TRIP12: variants seen among roughly 807,000 people sequenced by gnomAD.
TRIP12 encodes the protein thyroid hormone receptor interactor 12.
A neutral mutation model predicts 244.2 loss-of-function variants in TRIP12; 25 were observed. The ratio of observed to expected loss-of-function variants is 0.10; its 90% CI spans 0.07 to 0.14. TRIP12 has a LOEUF of 0.14. TRIP12 is among the 10% of genes least tolerant of loss of function. TRIP12 has a pLI of 1.00. For missense variants in TRIP12, 1,677 were observed against 2,486.4 expected, an observed-to-expected ratio of 0.67 and a Z score of 6.92; for synonymous variants, 905 against 873.1, an observed-to-expected ratio of 1.04 and a Z score of -0.64.
At chr2:229,858,547 A>G (rs1344022348) in intron 4 of TRIP12, among the ~76,000 whole-genome samples, 1 of 152,194 alleles carries the variant, frequency 6.6e-6, no homozygotes, top group African/African-American at 2.4e-5. Context: ...CTAAAATGTG[A>G]TGGTTTCGTA....
chr2:229,834,409 G>T (rs1235845842), intron 6 of TRIP12, among the ~76,000 whole-genome samples: 1 of 152,178 alleles, frequency 6.6e-6, no homozygotes, highest in Admixed American at 6.5e-5. Context: ...ACTAGCATTT[G>T]CAAGACTTTA....
At chr2:229,910,855 C>T (rs1022993484) in intron 1 of TRIP12, among the ~76,000 whole-genome samples, 1 of 152,212 alleles carries the variant, frequency 6.6e-6, no homozygotes, top group African/African-American at 2.4e-5. Context: ...TCAACACTAA[C>T]ATTACTAATG....
chr2:229,835,657 C>A (rs983620605), intron 6 of TRIP12, among the ~76,000 whole-genome samples: 2 of 152,176 alleles, frequency 1.3e-5, no homozygotes, highest in African/African-American at 4.8e-5. Flanking sequence ...AATACTATGG[C>A]TGGACTGCAA....
At chr2:229,791,842 A>T in intron 29 of TRIP12, 24 bp downstream of exon 29, 1 of 1,605,758 alleles carries the variant, frequency 6.2e-7, no homozygotes, top group African/African-American at 1.3e-5. Flanking sequence ...ATGAAAAAAC[A>T]AAAGAAAGAA....
chr2:229,881,732 C>T (rs547921001), intron 1 of TRIP12, among the ~76,000 whole-genome samples: 4 of 152,002 alleles, frequency 2.6e-5, no homozygotes, highest in Non-Finnish European at 5.9e-5. Context: ...TAAACTTATG[C>T]GTACTGATAT....
chr2:229,845,088 T>A (rs2057299227), intron 4 of TRIP12, among the ~76,000 whole-genome samples: 1 of 152,250 alleles, frequency 6.6e-6, no homozygotes, highest in Non-Finnish European at 1.5e-5. Context: ...AATGTTGATA[T>A]ATAAATGAGT....
chr2:229,794,659 T>C (rs1044708159), intron 26 of TRIP12, among the ~76,000 whole-genome samples: 1 of 152,140 alleles, frequency 6.6e-6, no homozygotes, highest in Non-Finnish European at 1.5e-5. Context: ...ACTTGTAACA[T>C]TCCACAACAT....
chr2:229,910,637 A>C (rs1399688139), intron 1 of TRIP12, among the ~76,000 whole-genome samples: 1 of 152,154 alleles, frequency 6.6e-6, no homozygotes, highest in Non-Finnish European at 1.5e-5. Flanking sequence ...CAGGCAGCTG[A>C]AAAGTAATAC....
chr2:229,922,286 C>A, upstream of TRIP12: 1 of 557,488 alleles, frequency 1.8e-6, no homozygotes. Context: ...CCCTCCCCTC[C>A]GTGGTAGCAG....
intron 23 of TRIP12, among the ~76,000 whole-genome samples, chr2:229,798,181 GAAGTA>G (rs2043291743): frequency 6.6e-6 from 1 of 152,180 alleles, no homozygotes; most frequent in Admixed American, 6.5e-5. Flanking sequence ...CTGGAGAGCT[GAAGTA>G]AAGATTTACA....
chr2:229,839,832 A>G (rs1485204729), intron 5 of TRIP12, among the ~76,000 whole-genome samples: 1 of 152,244 alleles, frequency 6.6e-6, no homozygotes, highest in Non-Finnish European at 1.5e-5. Flanking sequence ...CTTTAGGCTA[A>G]GATTCTCAAT....
chr2:229,789,691 A>G lies in TRIP12; in HGVS notation c.4615T>C (p.Phe1539Leu). The G allele has an allele frequency of 6.2e-7, 1 of 1,614,126 alleles. No individual in the cohort carries two copies. The highest frequency in any genetic ancestry group is 8.5e-7 in the Non-Finnish European group (1 of 1,179,994). ...LIPTPPENITFEDPSLDVILL... is the reference protein window; with the variant it reads ...LIPTPPENITLEDPSLDVILL... ...ATCACATCTAATGACGGGTCTTCAA[A>G]TGTTATATTTTCAGGTGGTGTGGGA... is the stretch of plus-strand genomic sequence containing the variant. Residue 1539 changes from phenylalanine to leucine, a missense_variant, in exon 31 of 42, where the codon TTT becomes CTT. Phe to Leu is a conservative substitution (Grantham distance 22). Coordinates refer to ENST00000675903, the MANE Select transcript of TRIP12 (RefSeq NM_001348323.3).
chr2:229,799,528 G>A lies in TRIP12; in HGVS notation c.3207-145C>T, dbSNP rs182576542. 1.6e-4 allele frequency: 112 copies of A among 684,632 alleles called. No individual in the cohort carries two copies. The African/African-American group carries it at 1.8e-3, about 11-fold the overall frequency. 42.4% of individuals were successfully genotyped at this position (684,632 alleles called of 1,614,324 possible). ...GCGGTGGCTCACGCCTGTAATCCCA[G>A]CACTTTGGGAGGCCGAGGCGGGCAG... On this transcript the variant is annotated intron_variant, in intron 21 of 41. Coordinates refer to ENST00000675903, the MANE Select transcript of TRIP12 (RefSeq NM_001348323.3).
At chr2:229,800,294 G>A (rs571820863) in intron 21 of TRIP12, among the ~76,000 whole-genome samples, 59 of 152,120 alleles carry the variant, frequency 3.9e-4, no homozygotes, top group African/African-American at 1.4e-3. Flanking sequence ...AATTTATTCT[G>A]AATTAGAATC....
At chr2:229,906,681 C>T (rs900941596) in intron 1 of TRIP12, among the ~76,000 whole-genome samples, 5 of 149,192 alleles carry the variant, frequency 3.4e-5, no homozygotes, top group Middle Eastern at 6.4e-3. Flanking sequence ...GATCACACCA[C>T]TGCACTCCAA....
intron 23 of TRIP12, 84 bp downstream of exon 23, chr2:229,798,791 C>T (rs2043454877): frequency 2.1e-6 from 3 of 1,442,994 alleles, no homozygotes; most frequent in East Asian, 4.5e-5. Flanking sequence ...GTATCGTCTC[C>T]ACACAATAAA....
At chr2:229,857,206 A>T (rs952234545) in intron 4 of TRIP12, among the ~76,000 whole-genome samples, 2 of 152,140 alleles carry the variant, frequency 1.3e-5, no homozygotes, top group Non-Finnish European at 2.9e-5. Context: ...GTAGATCTAA[A>T]ATCCATCAGA....
chr2:229,865,665 C>T (rs1385572501), intron 2 of TRIP12, among the ~76,000 whole-genome samples: 3 of 151,932 alleles, frequency 2.0e-5, no homozygotes, highest in African/African-American at 7.3e-5. Context: ...ACTTTAAATA[C>T]ACAATTATAA....
intron 8 of TRIP12, among the ~76,000 whole-genome samples, chr2:229,820,658 A>G (rs1164239633): frequency 1.3e-5 from 2 of 152,188 alleles, no homozygotes; most frequent in Admixed American, 1.3e-4. Context: ...GTGCGGTCTC[A>G]GCTCACTGCA....
Sources: allele counts gnomAD v4.1 joint callset (sites outside exome capture counted in the v4.1 genomes callset), GRCh38; gene constraint gnomAD v4.1.1; transcripts MANE v1.5; gene names NCBI Gene and HGNC (gene_info 2026-07-23, HGNC 2026-07-21).